The following KLHL28 variants were observed in gnomAD, a reference collection of about 807,000 sequenced individuals.
KLHL28 encodes kelch-like protein 28.
Under a neutral mutation model 48.3 loss-of-function variants are expected in KLHL28, and 22 were observed. The observed-to-expected ratio is 0.46, with a 90% CI of 0.33 to 0.65. The LOEUF (loss-of-function observed/expected upper bound fraction) is 0.65. KLHL28 is among the 30% of genes least tolerant of loss of function. KLHL28 has a pLI of 0.03. For missense variants in KLHL28, 527 were observed against 704.3 expected, an observed-to-expected ratio of 0.75 and a Z score of 2.85; for synonymous variants, 243 against 242.4, an observed-to-expected ratio of 1.00 and a Z score of -0.02.
intron 1 of KLHL28, among the ~76,000 whole-genome samples, chr14:44,949,349 T>A (rs1884478908): frequency 6.6e-6 from 1 of 152,138 alleles, no homozygotes. Context: ...TGTTTCTTTT[T>A]AAAAATTTAT....
At chr14:44,935,718 G>C (rs957107777) in intron 2 of KLHL28, among the ~76,000 whole-genome samples, 1 of 151,176 alleles carries the variant, frequency 6.6e-6, no homozygotes, top group African/African-American at 2.4e-5. Context: ...GATACTTCTG[G>C]AGGAAGGGAG....
chr14:44,943,460 T>G lies in KLHL28; in HGVS notation c.899+1570A>C, dbSNP rs1168272971. On this transcript the variant is annotated intron_variant, in intron 2 of 4. Coordinates refer to ENST00000396128, the MANE Select transcript of KLHL28 (RefSeq NM_017658.5). The stretch of plus-strand genomic sequence containing the variant: ...ATCACCTGAGGTCAGGAGTTTGAGA[T>G]CGGCCTGACCAACATGGTGAAACCC... Among the ~76,000 whole-genome samples, 6 of 152,012 alleles carry G rather than the reference T, an allele frequency of 3.9e-5. No homozygotes were observed. In the South Asian group the frequency reaches 1.2e-3, roughly 32 times the overall value.
intron 1 of KLHL28, chr14:44,959,287 T>C (rs1386240557): frequency 6.6e-6 from 1 of 152,152 alleles, no homozygotes; most frequent in Non-Finnish European, 1.5e-5. Context: ...ATGTAGAAGA[T>C]GTAACCTCAA....
chr14:44,945,531 T>A lies in KLHL28; in HGVS notation c.398A>T (p.Asp133Val). The change falls in exon 2 of 5, where the codon GAT becomes GTT. Residue 133 changes from aspartate (D) to valine (V), a missense_variant. Transcript: ENST00000396128. ...ECCAFLESQL[D>V]PGNCIGISRF... ...AGAAATTCCAATACAATTACCAGGA[T>A]CAAGTTGGCTTTCAAGAAATGCACA... is the stretch of plus-strand genomic sequence containing the variant. 6.2e-7 allele frequency: 1 copy of A among 1,614,184 alleles called. No homozygotes were observed. The highest frequency in any genetic ancestry group is 8.5e-7 in the Non-Finnish European group (1 of 1,180,034).
chr14:44,943,717 CT>C (rs112454594), intron 2 of KLHL28, among the ~76,000 whole-genome samples: 4,132 of 141,188 alleles, frequency 0.029, 80 homozygotes, highest in Non-Finnish European at 0.047. Context: ...TATTATCGGA[CT>C]TTTTTTTTTT....
Position 44,931,561 on chromosome 14 carries a change from A to T in KLHL28, c.1344-20T>A, listed in dbSNP as rs1036126567. 43 of 1,582,360 alleles carry T rather than the reference A, an allele frequency of 2.7e-5. No individual in the cohort carries two copies. The highest frequency in any genetic ancestry group is 1.7e-4 in the Middle Eastern group (1 of 5,990). ...TCCACACTGCAAATATTTAAAAAAAATTTAATTTACAGATCTTTTGTGTCA... is the reference window on the plus strand; with the variant it reads ...TCCACACTGCAAATATTTAAAAAAATTTTAATTTACAGATCTTTTGTGTCA... On this transcript the variant is annotated intron_variant, in intron 3 of 4. Transcript: ENST00000396128.
chr14:44,941,100 G>A (rs781261896), intron 2 of KLHL28, among the ~76,000 whole-genome samples: 9 of 151,546 alleles, frequency 5.9e-5, no homozygotes, highest in African/African-American at 2.2e-4. Flanking sequence ...ACACCTGGGC[G>A]ACAGAGCGAG....
intron 1 of KLHL28, among the ~76,000 whole-genome samples, chr14:44,950,115 G>A (rs1190204159): frequency 6.6e-6 from 1 of 152,042 alleles, no homozygotes; most frequent in Non-Finnish European, 1.5e-5. Context: ...ACAACAACAG[G>A]AATAATAATT....
intron 1 of KLHL28, among the ~76,000 whole-genome samples, chr14:44,958,885 G>A (rs1876329509): frequency 6.6e-6 from 1 of 151,934 alleles, no homozygotes. Context: ...GGCTTTGGAA[G>A]ATAAACCTAA....
intron 1 of KLHL28, among the ~76,000 whole-genome samples, chr14:44,955,107 G>A (rs1041228769): frequency 2.0e-5 from 3 of 151,860 alleles, no homozygotes; most frequent in Non-Finnish European, 4.4e-5. Flanking sequence ...AGGATTCTTG[G>A]TATGGGAAAA....
rs139707349 is a variant in KLHL28, at chr14:44,935,890, G to GTATATATATA, written c.900-1342_900-1333dup. 9.6e-3 allele frequency among the ~76,000 whole-genome samples: 568 copies of GTATATATATA among 59,138 alleles called. 84 individuals carry two copies. The highest frequency in any genetic ancestry group is 0.022 in the Middle Eastern group (2 of 90). The allele number at this position is 59,138 out of a possible 152,430, so 38.8% of individuals were successfully genotyped here. A position where few individuals can be genotyped will look rare whatever the true frequency, so the allele number is the denominator to read the frequency against. ...TATGTGTATGTATATATATATGTGT[G>GTATATATATA]TATATATATATATCTTTACCCTCCC... On this transcript the variant is annotated intron_variant, in intron 2 of 4. Coordinates refer to ENST00000396128, the MANE Select transcript of KLHL28 (RefSeq NM_017658.5).
At position 44,928,803 on chromosome 14, in the gene KLHL28, C is replaced by CTTT; in HGVS notation, c.*222_*224dup. 2 of 292,986 alleles carry CTTT rather than the reference C, an allele frequency of 6.8e-6. No individual in the cohort carries two copies. Among genetic ancestry groups the CTTT allele is most frequent in the Non-Finnish European group, 6.2e-6 (1 of 161,180 alleles). The allele number at this position is 292,986 out of a possible 1,614,324, so 18.1% of individuals were successfully genotyped here. ...CAGAATTCAATTGGCAAAGTCTTTA[C>CTTT]TTTTTTTTTTTCTCTTTTTTCTTTT... is the stretch of plus-strand genomic sequence containing the variant. On this transcript the variant is annotated 3_prime_UTR_variant, in exon 5 of 5. Transcript: ENST00000396128.
chr14:44,946,254 TC>T (rs919106077), intron 1 of KLHL28, among the ~76,000 whole-genome samples: 30 of 152,328 alleles, frequency 2.0e-4, no homozygotes, highest in African/African-American at 6.5e-4. Flanking sequence ...TGCATTAAAT[TC>T]AAGTCTGAGC....
intron 2 of KLHL28, among the ~76,000 whole-genome samples, chr14:44,937,844 A>G (rs1035943117): frequency 6.6e-6 from 1 of 152,126 alleles, no homozygotes; most frequent in Admixed American, 6.5e-5. Flanking sequence ...TGGCAGCCGG[A>G]CTTATCCTTT....
rs1883451758 is a variant in KLHL28 at position 44,928,578 on chromosome 14, A to G, written c.*450T>C. 6.6e-6 allele frequency: 1 copy of G among 152,222 alleles called. No homozygotes were observed. The allele number at this position is 152,222 out of a possible 1,614,324, so 9.4% of individuals were successfully genotyped here. A position where few individuals can be genotyped will look rare whatever the true frequency, so the allele number is the denominator to read the frequency against. On this transcript the variant is annotated 3_prime_UTR_variant, in exon 5 of 5. Transcript: ENST00000396128. ...CAAATGAAAAATGTGAAGCATTTAC[A>G]TCCAAGAAGCAGTATCAGCACTCTG...
chr14:44,924,445 A>T lies in KLHL28; in HGVS notation c.*4583T>A, dbSNP rs571995348. The T allele has an allele frequency of 6.5e-6, 1 of 152,778 alleles. No homozygotes were observed. The highest frequency in any genetic ancestry group is 2.1e-4 in the South Asian group (1 of 4,824). The allele number at this position is 152,778 out of a possible 1,614,324, so 9.5% of individuals were successfully genotyped here. ...TAAAATAAAAAAGAATACAATTCTT[A>T]ACTAGTTAAATGACACTTTAGTGTG... is the stretch of plus-strand genomic sequence containing the variant. On this transcript the variant is annotated 3_prime_UTR_variant, in exon 5 of 5. Transcript: ENST00000396128.
At chr14:44,956,720 C>T (rs1884808056) in intron 1 of KLHL28, among the ~76,000 whole-genome samples, 1 of 151,934 alleles carries the variant, frequency 6.6e-6, no homozygotes. Flanking sequence ...GTGTGTGCAC[C>T]CACATATTTA....
intron 1 of KLHL28, among the ~76,000 whole-genome samples, chr14:44,949,014 C>T (rs1287503820): frequency 2.0e-5 from 3 of 151,812 alleles, no homozygotes; most frequent in South Asian, 2.1e-4. Flanking sequence ...AAAATGTATG[C>T]GAAAAATAAG....
chr14:44,960,718 C>T (rs1429636025), intron 1 of KLHL28, among the ~76,000 whole-genome samples: 2 of 146,942 alleles, frequency 1.4e-5, no homozygotes, highest in East Asian at 4.0e-4. Context: ...CCACCCCCAC[C>T]CCCCCAAAAA....
Sources: gnomAD v4.1 joint callset for allele counts (sites outside exome capture counted in the v4.1 genomes callset) on GRCh38, gnomAD v4.1.1 for gene constraint, MANE v1.5 for transcripts, NCBI Gene and HGNC (gene_info 2026-07-23, HGNC 2026-07-21) for gene names.